The following SLC39A11 variants were observed in gnomAD, a reference collection of about 807,000 sequenced individuals.
SLC39A11 encodes zinc transporter ZIP11.
A neutral mutation model predicts 36.1 loss-of-function variants in SLC39A11; 33 were observed. That is an observed-to-expected ratio of 0.91 (90% CI 0.69 to 1.22). SLC39A11 has a LOEUF of 1.22. Among genes scored for constraint, SLC39A11 ranks in the 50% most tolerant of loss-of-function variants. The pLI is 0.00. For missense variants in SLC39A11, 432 were observed against 430.3 expected, an observed-to-expected ratio of 1.00 and a Z score of -0.03; for synonymous variants, 166 against 170.3, an observed-to-expected ratio of 0.97 and a Z score of 0.20.
chr17:72,681,963 G>T (rs1037248397), intron 7 of SLC39A11, among the ~76,000 whole-genome samples: 1 of 152,140 alleles, frequency 6.6e-6, no homozygotes, highest in Admixed American at 6.5e-5. Flanking sequence ...GGAGATGGGC[G>T]GCAGGCAAGC....
At chr17:72,964,854 A>T (rs953263879) in intron 4 of SLC39A11, among the ~76,000 whole-genome samples, 2 of 152,224 alleles carry the variant, frequency 1.3e-5, no homozygotes, top group Non-Finnish European at 2.9e-5. Flanking sequence ...AACCAACCCA[A>T]ATGTCCATCA....
At chr17:72,760,183 T>G (rs895458896) in intron 6 of SLC39A11, among the ~76,000 whole-genome samples, 2 of 152,096 alleles carry the variant, frequency 1.3e-5, no homozygotes, top group Non-Finnish European at 1.5e-5. Flanking sequence ...CGTGCCACCA[T>G]GCCTGGCTAA....
chr17:72,740,468 G>T (rs2074643881), intron 6 of SLC39A11, among the ~76,000 whole-genome samples: 1 of 152,048 alleles, frequency 6.6e-6, no homozygotes, highest in African/African-American at 2.4e-5. Flanking sequence ...TTTATAAAGA[G>T]GAGTTGTGTG....
chr17:72,755,642 A>C (rs952560997), intron 6 of SLC39A11, among the ~76,000 whole-genome samples: 1 of 152,274 alleles, frequency 6.6e-6, no homozygotes, highest in African/African-American at 2.4e-5. Context: ...AAGGTGCTCT[A>C]AGCCTAGAGG....
chr17:72,654,865 G>T (rs1005256414), intron 7 of SLC39A11, among the ~76,000 whole-genome samples: 1 of 152,186 alleles, frequency 6.6e-6, no homozygotes, highest in Admixed American at 6.5e-5. Context: ...CAAAGTCCTC[G>T]CCGTGACATA....
rs1555698614 is a variant in SLC39A11 at position 73,062,475 on chromosome 17, A to AAC, written c.147+22332_147+22333insGT. 4.9e-4 allele frequency among the ~76,000 whole-genome samples: 43 copies of AAC among 87,034 alleles called. 10 individuals are homozygous for AAC. The highest frequency in any genetic ancestry group is 7.3e-4 in the African/African-American group (16 of 21,886). 57.1% of individuals were successfully genotyped at this position (87,034 alleles called of 152,430 possible). On this transcript the variant is annotated intron_variant, in intron 3 of 9. Transcript: ENST00000255559. Reference sequence around the variant, plus strand: ...AGAGCTTGTCTCAAAAAAAAAAAAAAAAACTTTAGGTGATACACTTCTGCT... The same window carrying AAC: ...AGAGCTTGTCTCAAAAAAAAAAAAAAACAAACTTTAGGTGATACACTTCTGCT...
At chr17:72,962,612 C>T (rs1268355234) in intron 4 of SLC39A11, among the ~76,000 whole-genome samples, 5 of 152,114 alleles carry the variant, frequency 3.3e-5, no homozygotes, top group African/African-American at 1.2e-4. Context: ...CCTTGGCTCA[C>T]TGTAACCTCT....
chr17:73,008,916 G>A (rs1039763557), intron 4 of SLC39A11, among the ~76,000 whole-genome samples: 2 of 151,868 alleles, frequency 1.3e-5, no homozygotes, highest in African/African-American at 2.4e-5. Flanking sequence ...AATAAAATAG[G>A]CAGGCGTGGC....
At chr17:72,754,018 ATG>A (rs200408611) in intron 6 of SLC39A11, among the ~76,000 whole-genome samples, 1 of 55,288 alleles carries the variant, frequency 1.8e-5, no homozygotes, top group African/African-American at 6.2e-5. Context: ...ATATGTATAT[ATG>A]TATATATATA....
At chr17:72,773,096 A>AAAAG (rs1404321969) in intron 6 of SLC39A11, among the ~76,000 whole-genome samples, 5 of 152,200 alleles carry the variant, frequency 3.3e-5, no homozygotes, top group Admixed American at 1.3e-4. Flanking sequence ...CAAAAAAGAA[A>AAAAG]AAAGAAAGAA....
chr17:72,652,869 T>C (rs949716855), intron 7 of SLC39A11, among the ~76,000 whole-genome samples: 1 of 152,162 alleles, frequency 6.6e-6, no homozygotes, highest in Admixed American at 6.5e-5. Context: ...TGTGTTCCTA[T>C]ATACTGCTTG....
intron 3 of SLC39A11, among the ~76,000 whole-genome samples, chr17:73,084,265 C>T (rs1455076125): frequency 2.0e-5 from 3 of 151,696 alleles, no homozygotes; most frequent in African/African-American, 7.3e-5. Context: ...TGGTGAAACC[C>T]CATCTCTGCA....
intron 5 of SLC39A11, among the ~76,000 whole-genome samples, chr17:72,916,914 A>C (rs1397215100): frequency 6.6e-6 from 1 of 152,210 alleles, no homozygotes; most frequent in Non-Finnish European, 1.5e-5. Context: ...ACACATAGGG[A>C]GACTTTAATT....
At chr17:72,783,347 G>C (rs904964619) in intron 6 of SLC39A11, among the ~76,000 whole-genome samples, 3 of 152,208 alleles carry the variant, frequency 2.0e-5, no homozygotes, top group Non-Finnish European at 4.4e-5. Flanking sequence ...AGGGAGCAGA[G>C]TCAGGGCTGT....
chr17:72,675,695 G>GTGTA (rs2071228292), intron 7 of SLC39A11, among the ~76,000 whole-genome samples: 1 of 151,842 alleles, frequency 6.6e-6, no homozygotes, highest in Admixed American at 6.6e-5. Flanking sequence ...TCCCAATTGT[G>GTGTA]TGTGTAAGAT....
chr17:72,982,304 C>G (rs2088387299), intron 4 of SLC39A11, among the ~76,000 whole-genome samples: 1 of 151,988 alleles, frequency 6.6e-6, no homozygotes, highest in African/African-American at 2.4e-5. Context: ...CTGTATAATC[C>G]CACTTTCAGA....
intron 7 of SLC39A11, among the ~76,000 whole-genome samples, chr17:72,664,587 G>GT (rs1323970312): frequency 6.6e-6 from 1 of 152,180 alleles, no homozygotes; most frequent in Non-Finnish European, 1.5e-5. Flanking sequence ...CTGGGCTACA[G>GT]TAACAGCCTC....
intron 7 of SLC39A11, among the ~76,000 whole-genome samples, chr17:72,714,565 C>T (rs773770069): frequency 7.2e-5 from 11 of 152,148 alleles, no homozygotes; most frequent in Admixed American, 1.3e-4. Flanking sequence ...GTGCCTGCTA[C>T]GCAACCAGTA....
At chr17:72,792,544 TGAGA>T (rs923671610) in intron 6 of SLC39A11, among the ~76,000 whole-genome samples, 3 of 152,200 alleles carry the variant, frequency 2.0e-5, no homozygotes, top group African/African-American at 4.8e-5. Context: ...TTAGAAAGTA[TGAGA>T]GAGGAGGTGA....
Sources: gnomAD v4.1 joint callset for allele counts (sites outside exome capture counted in the v4.1 genomes callset) on GRCh38, gnomAD v4.1.1 for gene constraint, MANE v1.5 for transcripts, NCBI Gene and HGNC (gene_info 2026-07-23, HGNC 2026-07-21) for gene names.